The following FARS2 variants were observed in gnomAD, a reference collection of about 807,000 sequenced individuals.
FARS2 encodes the protein phenylalanine--tRNA ligase, mitochondrial.
Under a neutral mutation model 46.4 loss-of-function variants are expected in FARS2, and 40 were observed. That is an observed-to-expected ratio of 0.86 (90% CI 0.67 to 1.12). The LOEUF (loss-of-function observed/expected upper bound fraction) is 1.12. Among genes scored for constraint, FARS2 ranks in the 50% most tolerant of loss-of-function variants. The pLI is 0.00. For missense variants in FARS2, 513 were observed against 567.9 expected (o/e 0.90, Z 0.98); for synonymous variants, 234 against 214.9 (o/e 1.09, Z -0.78).
At position 5,712,661 on chromosome 6, in the gene FARS2, G is replaced by T. The variant is rs572626040; in HGVS notation, c.1218-58630G>T. On this transcript the variant is annotated intron_variant, in intron 6 of 6. Transcript: ENST00000274680. The stretch of plus-strand genomic sequence containing the variant: ...AGAGCCAAGCTTCCAGCTAAGGCAC[G>T]TCTGATCATAAAGCCTGCAGCCTTT... Among the ~76,000 whole-genome samples the T allele has an allele frequency of 2.0e-5, 3 of 152,320 alleles. No homozygotes were observed. In the South Asian group the frequency reaches 6.2e-4, roughly 32 times the overall value.
intron 4 of FARS2, among the ~76,000 whole-genome samples, chr6:5,536,145 G>T (rs113551062): frequency 1.3e-5 from 2 of 148,442 alleles, no homozygotes; most frequent in East Asian, 2.0e-4. Flanking sequence ...TCCACCTTCC[G>T]GGTTCACACC....
intron 6 of FARS2, among the ~76,000 whole-genome samples, chr6:5,744,442 C>A (rs1761527112): frequency 6.6e-6 from 1 of 152,164 alleles, no homozygotes; most frequent in Admixed American, 6.5e-5. Flanking sequence ...GAGATAAGTA[C>A]CGTTAAGTCT....
intron 3 of FARS2, among the ~76,000 whole-genome samples, chr6:5,406,962 G>A (rs978683133): frequency 1.4e-5 from 2 of 147,650 alleles, no homozygotes; most frequent in African/African-American, 5.0e-5. Context: ...ATACACATTT[G>A]GCATTTATAA....
intron 1 of FARS2, among the ~76,000 whole-genome samples, chr6:5,303,699 C>T (rs1337977712): frequency 1.3e-5 from 2 of 152,004 alleles, no homozygotes; most frequent in African/African-American, 4.8e-5. Flanking sequence ...AGACATTTCT[C>T]ATTGCTCCCA....
At chr6:5,508,834 T>C (rs1768261220) in intron 4 of FARS2, among the ~76,000 whole-genome samples, 1 of 152,194 alleles carries the variant, frequency 6.6e-6, no homozygotes, top group South Asian at 2.1e-4. Context: ...ATTTGAATCA[T>C]AGTACTATCA....
chr6:5,663,386 G>A (rs1296212287), intron 6 of FARS2, among the ~76,000 whole-genome samples: 1 of 152,152 alleles, frequency 6.6e-6, no homozygotes, highest in African/African-American at 2.4e-5. Context: ...CTGTTTGGAT[G>A]GAATCATTTG....
intron 1 of FARS2, among the ~76,000 whole-genome samples, chr6:5,285,176 A>G (rs1238353512): frequency 1.3e-5 from 2 of 152,338 alleles, no homozygotes; most frequent in Non-Finnish European, 1.5e-5. Context: ...AGAGGCTGAC[A>G]GGAGCCTGAT....
intron 1 of FARS2, among the ~76,000 whole-genome samples, chr6:5,352,250 T>A (rs1161892383): frequency 6.6e-6 from 1 of 151,932 alleles, no homozygotes; most frequent in Non-Finnish European, 1.5e-5. Context: ...TGGACACTCC[T>A]GATTTATATG....
intron 6 of FARS2, among the ~76,000 whole-genome samples, chr6:5,761,796 G>C (rs2150978866): frequency 7.1e-6 from 1 of 140,358 alleles, no homozygotes; most frequent in African/African-American, 2.7e-5. Flanking sequence ...ATAGCATTAA[G>C]AGTGGAGGAT....
At chr6:5,659,215 A>T (rs1777736384) in intron 6 of FARS2, among the ~76,000 whole-genome samples, 1 of 152,204 alleles carries the variant, frequency 6.6e-6, no homozygotes, top group South Asian at 2.1e-4. Flanking sequence ...AGAGCTGGGA[A>T]AAAGATCTTG....
chr6:5,771,417 G>C lies in FARS2; in HGVS notation c.1344G>C (p.Glu448Asp). The change falls in exon 7 of 7, where the codon GAG becomes GAC. Residue 448 changes from glutamate (E) to aspartate (D), a missense_variant. By Grantham distance (45) the Glu-to-Asp change is conservative. Coordinates refer to ENST00000274680, the MANE Select transcript of FARS2 (RefSeq NM_006567.5). ...QEAAVQLLGV[E>D]GRF ...CTGCAGTCCAGCTGTTGGGTGTGGA[G>C]GGCAGGTTCTGATGTCACCACTTCA... is the stretch of plus-strand genomic sequence containing the variant. 6 of 1,613,934 alleles carry C rather than the reference G, an allele frequency of 3.7e-6. No homozygotes were observed. Among genetic ancestry groups the C allele is most frequent in the Non-Finnish European group, 5.1e-6 (6 of 1,179,920 alleles).
At chr6:5,317,839 G>C (rs1769646786) in intron 1 of FARS2, among the ~76,000 whole-genome samples, 2 of 151,970 alleles carry the variant, frequency 1.3e-5, no homozygotes, top group Admixed American at 6.6e-5. Flanking sequence ...ACAAGGTTTA[G>C]TAGGCTTGTG....
At chr6:5,516,608 G>T (rs1768810187) in intron 4 of FARS2, among the ~76,000 whole-genome samples, 1 of 151,916 alleles carries the variant, frequency 6.6e-6, no homozygotes, top group Admixed American at 6.6e-5. Flanking sequence ...CACCTATTTT[G>T]TACTCATTTG....
chr6:5,268,369 A>G (rs1765698727), intron 1 of FARS2, among the ~76,000 whole-genome samples: 1 of 152,158 alleles, frequency 6.6e-6, no homozygotes, highest in Admixed American at 6.5e-5. Flanking sequence ...TCCATCTCAC[A>G]TTAATTTTTG....
At position 5,432,516 on chromosome 6, in the gene FARS2, C is replaced by CAT. The variant is rs559755182; in HGVS notation, c.904+1355_904+1356dup. ...TTATATATATTTTTTATATCCCAAT[C>CAT]ATATATATATATTTTTTTTTTTCAG... is the stretch of plus-strand genomic sequence containing the variant. On this transcript the variant is annotated intron_variant, in intron 4 of 6. Transcript: ENST00000274680. Among the ~76,000 whole-genome samples the CAT allele has an allele frequency of 3.7e-3, 152 of 40,590 alleles. 1 individual carries two copies. The highest frequency in any genetic ancestry group is 0.035 in the Middle Eastern group (4 of 114). 26.6% of individuals were successfully genotyped at this position (40,590 alleles called of 152,430 possible). A position where few individuals can be genotyped will look rare whatever the true frequency, so the allele number is the denominator to read the frequency against.
At chr6:5,413,089 A>G (rs1762029499) in intron 3 of FARS2, among the ~76,000 whole-genome samples, 1 of 152,182 alleles carries the variant, frequency 6.6e-6, no homozygotes, top group South Asian at 2.1e-4. Context: ...TTAGATGTCT[A>G]GTGAAGTGGG....
chr6:5,635,972 T>A (rs1776526778), intron 6 of FARS2, among the ~76,000 whole-genome samples: 1 of 152,088 alleles, frequency 6.6e-6, no homozygotes, highest in Non-Finnish European at 1.5e-5. Context: ...AATGTTATGG[T>A]AAAAAAAATT....
rs1468051274 is a variant in FARS2 at position 5,593,303 on chromosome 6, C to T, written c.1066-19866C>T. 3.9e-5 allele frequency among the ~76,000 whole-genome samples: 5 copies of T among 128,206 alleles called. No individual in the cohort carries two copies. In the East Asian group the frequency reaches 5.8e-4, roughly 15 times the overall value. The allele number at this position is 128,206 out of a possible 152,430, so 84.1% of individuals were successfully genotyped here. ...GAAGGAACTGCACCTCCCGCCCCCA[C>T]CGGCCTCTGCTGGTGCCTTTCCAAA... On this transcript the variant is annotated intron_variant, in intron 5 of 6. Coordinates refer to ENST00000274680, the MANE Select transcript of FARS2 (RefSeq NM_006567.5).
chr6:5,699,990 A>T (rs778747145), intron 6 of FARS2, among the ~76,000 whole-genome samples: 45 of 152,024 alleles, frequency 3.0e-4, no homozygotes, highest in Non-Finnish European at 4.1e-4. Flanking sequence ...GCCATCTTTC[A>T]CTCTAACTAT....
Sources: allele counts gnomAD v4.1 joint callset (sites outside exome capture counted in the v4.1 genomes callset), GRCh38; gene constraint gnomAD v4.1.1; transcripts MANE v1.5; gene names NCBI Gene and HGNC (gene_info 2026-07-23, HGNC 2026-07-21).